KCNQ1: variants seen among roughly 807,000 people sequenced by gnomAD.
The protein encoded by KCNQ1 is potassium voltage-gated channel subfamily Q member 1, also known as potassium voltage-gated channel subfamily KQT member 1.
KCNQ1 carries 49 observed loss-of-function variants against 72.4 expected under a neutral mutation model. That is an observed-to-expected ratio of 0.68 (90% CI 0.54 to 0.86). The LOEUF (loss-of-function observed/expected upper bound fraction) is 0.86. Among genes scored for constraint, KCNQ1 ranks in the 40% least tolerant of loss-of-function variants. The pLI, the probability that KCNQ1 is intolerant of heterozygous loss-of-function variation, is 0.00. For missense variants in KCNQ1, 790 were observed against 945.1 expected (o/e 0.84, Z 2.15); for synonymous variants, 450 against 412.6 (o/e 1.09, Z -1.10).
intron 15 of KCNQ1, among the ~76,000 whole-genome samples, chr11:2,794,857 C>T (rs913361541): frequency 5.3e-5 from 8 of 152,096 alleles, no homozygotes; most frequent in African/African-American, 9.7e-5. Flanking sequence ...GAGGGAAAGA[C>T]GGGAGGTCCA....
chr11:2,582,343 TG>T (rs1848513227), intron 6 of KCNQ1, among the ~76,000 whole-genome samples: 1 of 152,058 alleles, frequency 6.6e-6, no homozygotes, highest in Admixed American at 6.5e-5. Flanking sequence ...CCTGGTCTCG[TG>T]GGGGCTCAGG....
chr11:2,767,878 C>G lies in KCNQ1; in HGVS notation c.1515-966C>G, dbSNP rs1302773130. 2.0e-5 allele frequency among the ~76,000 whole-genome samples: 3 copies of G among 152,238 alleles called. No individual in the cohort carries two copies. The highest frequency in any genetic ancestry group is 4.4e-5 in the Non-Finnish European group (3 of 68,040). On this transcript the variant is annotated intron_variant, in intron 11 of 15. Coordinates refer to ENST00000155840, the MANE Select transcript of KCNQ1 (RefSeq NM_000218.3). This position sits in a 1 kb window ranked among gnomAD's most constrained non-coding sequence, Gnocchi z 4.6. ...GGCTAGAGGACCAGAATCTTTTTCC[C>G]TCGTGTCCTGGCTGTCCTGTGGCCC... is the stretch of plus-strand genomic sequence containing the variant.
chr11:2,578,685 C>T (rs1848456351), intron 6 of KCNQ1, among the ~76,000 whole-genome samples: 1 of 152,254 alleles, frequency 6.6e-6, no homozygotes, highest in South Asian at 2.1e-4. Flanking sequence ...CCCTGCCGCC[C>T]TCCTTGGAGC....
At position 2,624,285 on chromosome 11, in the gene KCNQ1, T is replaced by C. The variant is rs112738445; in HGVS notation, c.1393+35431T>C. On this transcript the variant is annotated intron_variant, in intron 10 of 15. Transcript: ENST00000155840. The surrounding 1 kb of genome is among the most constrained non-coding windows in gnomAD (Gnocchi z 4.9). ...CAGATTGTTTGTTTTCTAATTGTTA[T>C]GTTTTTAAGGTTCTTTATATATTTT... The C allele has an allele frequency of 4.6e-4, 182 of 398,612 alleles. No homozygotes were observed. In the Middle Eastern group the frequency reaches 5.0e-3, roughly 11 times the overall value. The allele number at this position is 398,612 out of a possible 1,614,324, so 24.7% of individuals were successfully genotyped here.
intron 10 of KCNQ1, among the ~76,000 whole-genome samples, chr11:2,590,818 C>G (rs532950667): frequency 5.5e-4 from 83 of 152,268 alleles, no homozygotes; most frequent in Admixed American, 3.5e-3. Context: ...GAGGCTGGAC[C>G]CCACTGTTCC....
chr11:2,807,342 T>G (rs183300226), intron 15 of KCNQ1, among the ~76,000 whole-genome samples: 3 of 152,240 alleles, frequency 2.0e-5, no homozygotes, highest in African/African-American at 7.2e-5. Flanking sequence ...TTAATTCGCT[T>G]ATGAAAAGCC....
rs73419343 is a variant in KCNQ1, at chr11:2,698,269, G to C, written c.1514+36188G>C. 822 of 398,614 alleles carry C rather than the reference G, an allele frequency of 2.1e-3. 4 individuals are homozygous for C. Among genetic ancestry groups the C allele is most frequent in the African/African-American group, 0.016 (763 of 48,748 alleles). The allele number at this position is 398,614 out of a possible 1,614,324, so 24.7% of individuals were successfully genotyped here. A position where few individuals can be genotyped will look rare whatever the true frequency, so the allele number is the denominator to read the frequency against. On this transcript the variant is annotated intron_variant, in intron 11 of 15. Transcript: ENST00000155840. The surrounding 1 kb of genome is among the most constrained non-coding windows in gnomAD (Gnocchi z 5.1). Reference sequence around the variant, plus strand: ...GTTTTTATACTTTGTGATAATCTAAGACAGAACTATTCTACCTGGATGAAT... The same window carrying C: ...GTTTTTATACTTTGTGATAATCTAACACAGAACTATTCTACCTGGATGAAT...
chr11:2,504,394 A>G (rs1367809474), intron 1 of KCNQ1, among the ~76,000 whole-genome samples: 1 of 152,142 alleles, frequency 6.6e-6, no homozygotes, highest in Non-Finnish European at 1.5e-5. Context: ...TAGAAAAATG[A>G]TTAAAACCTG....
chr11:2,841,607 C>G (rs539404266), intron 15 of KCNQ1, among the ~76,000 whole-genome samples: 1 of 152,344 alleles, frequency 6.6e-6, no homozygotes, highest in African/African-American at 2.4e-5. Context: ...TGAGCTCCCG[C>G]TGGGACACGC....
Position 2,608,508 on chromosome 11 carries a change from C to G in KCNQ1, c.1393+19654C>G, listed in dbSNP as rs1343951658. Reference sequence around the variant, plus strand: ...TTTCTTTTTGAGAAACAGAGTCTCTCTCTGTTGCCCAGGCTGGAATAGAGT... The same window carrying G: ...TTTCTTTTTGAGAAACAGAGTCTCTGTCTGTTGCCCAGGCTGGAATAGAGT... On this transcript the variant is annotated intron_variant, in intron 10 of 15. Coordinates refer to ENST00000155840, the MANE Select transcript of KCNQ1 (RefSeq NM_000218.3). This position sits in a 1 kb window ranked among gnomAD's most constrained non-coding sequence, Gnocchi z 4.6. The G allele has an allele frequency of 2.5e-6, 1 of 398,486 alleles. No individual in the cohort carries two copies. Among genetic ancestry groups the G allele is most frequent in the Non-Finnish European group, 4.4e-6 (1 of 226,084 alleles). 24.7% of individuals were successfully genotyped at this position (398,486 alleles called of 1,614,324 possible).
rs1847875395 is a variant in KCNQ1, at chr11:2,828,100, G to C, written c.1795-19667G>C. On this transcript the variant is annotated intron_variant, in intron 15 of 15. Transcript: ENST00000155840. The surrounding 1 kb of genome is among the most constrained non-coding windows in gnomAD (Gnocchi z 5.3). ...ACCACACAGGAGCCAGCAGGGAAGG[G>C]GCCACAGCCGGGACTCAGAGGAGGC... 6.6e-6 allele frequency among the ~76,000 whole-genome samples: 1 copy of C among 152,194 alleles called. No individual in the cohort carries two copies. Among genetic ancestry groups the C allele is most frequent in the African/African-American group, 2.4e-5 (1 of 41,440 alleles).
chr11:2,465,980 C>T (rs202078786), intron 1 of KCNQ1, among the ~76,000 whole-genome samples: 67 of 152,332 alleles, frequency 4.4e-4, no homozygotes, highest in African/African-American at 1.3e-3. Flanking sequence ...AGCTTGGTGA[C>T]GGCTCAGGTC....
chr11:2,447,860 C>G lies in KCNQ1; in HGVS notation c.386+2376C>G, dbSNP rs1169919543. On this transcript the variant is annotated intron_variant, in intron 1 of 15. Coordinates refer to ENST00000155840, the MANE Select transcript of KCNQ1 (RefSeq NM_000218.3). This position sits in a 1 kb window ranked among gnomAD's most constrained non-coding sequence, Gnocchi z 7.6. ...TGACCCTACAGGGCTAGGGCGAACT[C>G]TCCTGTGTGCGCCTGGGGAAGCCAG... Among the ~76,000 whole-genome samples the G allele has an allele frequency of 1.3e-5, 2 of 152,190 alleles. No homozygotes were observed. The highest frequency in any genetic ancestry group is 2.9e-5 in the Non-Finnish European group (2 of 68,006).
rs1219447984 is a variant in KCNQ1, at chr11:2,796,516, G to T, written c.1794+18479G>T. Among the ~76,000 whole-genome samples the T allele has an allele frequency of 2.0e-5, 3 of 152,254 alleles. No homozygotes were observed. The East Asian group carries it at 5.8e-4, about 30-fold the overall frequency. Reference sequence around the variant, plus strand: ...ACTGCCGACCCAGGCCTATCATGGGGCCTGAGAAGTAGTCCTCATTTCCTC... The same window carrying T: ...ACTGCCGACCCAGGCCTATCATGGGTCCTGAGAAGTAGTCCTCATTTCCTC... On this transcript the variant is annotated intron_variant, in intron 15 of 15. Transcript: ENST00000155840.
intron 15 of KCNQ1, among the ~76,000 whole-genome samples, chr11:2,838,736 GC>G (rs914790254): frequency 6.6e-6 from 1 of 152,180 alleles, no homozygotes; most frequent in African/African-American, 2.4e-5. Context: ...CTGCCCACCT[GC>G]CCCCGTGGCC....
rs1256872121 is a variant in KCNQ1, at chr11:2,746,736, C to T, written c.1515-22108C>T. On this transcript the variant is annotated intron_variant, in intron 11 of 15. Transcript: ENST00000155840. The surrounding 1 kb of genome is among the most constrained non-coding windows in gnomAD (Gnocchi z 5.9). Reference sequence around the variant, plus strand: ...TGTCTCTGTCTCCTGGCTCTGAGGCCGTGGCTGTCAATCTCTTCAACTGTG... The same window carrying T: ...TGTCTCTGTCTCCTGGCTCTGAGGCTGTGGCTGTCAATCTCTTCAACTGTG... 6.6e-6 allele frequency among the ~76,000 whole-genome samples: 1 copy of T among 152,242 alleles called. No individual in the cohort carries two copies. Among genetic ancestry groups the T allele is most frequent in the Non-Finnish European group, 1.5e-5 (1 of 68,046 alleles).
chr11:2,561,159 C>T (rs558797243), intron 2 of KCNQ1, among the ~76,000 whole-genome samples: 3 of 148,920 alleles, frequency 2.0e-5, no homozygotes, highest in South Asian at 2.1e-4. Context: ...GCCGAGATTG[C>T]GCCACTGCAC....
chr11:2,524,897 G>A (rs1197957417), intron 1 of KCNQ1, among the ~76,000 whole-genome samples: 3 of 152,200 alleles, frequency 2.0e-5, no homozygotes, highest in Non-Finnish European at 4.4e-5. Flanking sequence ...TGGGCCTGGG[G>A]AGCAGGCAGG....
rs1025451658 is a variant in KCNQ1 at position 2,745,786 on chromosome 11, G to A, written c.1515-23058G>A. 1.3e-5 allele frequency among the ~76,000 whole-genome samples: 2 copies of A among 152,368 alleles called. No homozygotes were observed. Among genetic ancestry groups the A allele is most frequent in the Non-Finnish European group, 2.9e-5 (2 of 68,034 alleles). ...TGGAGAAGGCCGCTCAGCGAGGGCCGCCTTCAGGCCTGAGCCCGGGGCCAG... is the reference window on the plus strand; with the variant it reads ...TGGAGAAGGCCGCTCAGCGAGGGCCACCTTCAGGCCTGAGCCCGGGGCCAG... On this transcript the variant is annotated intron_variant, in intron 11 of 15. Transcript: ENST00000155840. The surrounding 1 kb of genome is among the most constrained non-coding windows in gnomAD (Gnocchi z 6.2).
Sources: allele counts gnomAD v4.1 joint callset (sites outside exome capture counted in the v4.1 genomes callset), GRCh38; gene constraint gnomAD v4.1.1; non-coding constraint Gnocchi (gnomAD v3.1); transcripts MANE v1.5; gene names NCBI Gene and HGNC (gene_info 2026-07-23, HGNC 2026-07-21).